Variants in CDH2 observed in about 807,000 individuals in gnomAD.
CDH2 encodes the protein cadherin-2.
A neutral mutation model predicts 92.0 loss-of-function variants in CDH2; 17 were observed. The ratio of observed to expected loss-of-function variants is 0.18; its 90% confidence interval spans 0.13 to 0.28. The LOEUF is 0.28. CDH2 is among the 10% of genes least tolerant of loss of function. The pLI, the probability that CDH2 is intolerant of heterozygous loss-of-function variation, is 1.00. For synonymous variants in CDH2, 419 were observed against 415.9 expected, an observed-to-expected ratio of 1.01 and a Z score of -0.09; for missense variants, 862 against 1,133.1, an observed-to-expected ratio of 0.76 and a Z score of 3.44.
chr18:27,934,226 C>T (rs112454919), intron 6 of CDH2, among the ~76,000 whole-genome samples: 4 of 152,158 alleles, frequency 2.6e-5, no homozygotes, highest in Non-Finnish European at 5.9e-5. Context: ...CTGGTTCTGT[C>T]GGCTTCCATT....
At position 28,049,595 on chromosome 18, in the gene CDH2, C is replaced by T. The variant is rs531343360; in HGVS notation, c.173-35686G>A. ...CTTATATGTATTTGTACATCATGAACGGCATATTGATCATAAGGAAACAAA... is the reference window on the plus strand; with the variant it reads ...CTTATATGTATTTGTACATCATGAATGGCATATTGATCATAAGGAAACAAA... On this transcript the variant is annotated intron_variant, in intron 2 of 15. Coordinates refer to ENST00000269141, the MANE Select transcript of CDH2 (RefSeq NM_001792.5). Among the ~76,000 whole-genome samples the T allele has an allele frequency of 2.6e-5, 4 of 152,254 alleles. No individual in the cohort carries two copies. The East Asian group carries it at 5.8e-4, about 22-fold the overall frequency.
intron 1 of CDH2, among the ~76,000 whole-genome samples, chr18:28,175,316 G>A (rs1361451633): frequency 6.6e-6 from 1 of 152,226 alleles, no homozygotes; most frequent in Admixed American, 6.5e-5. Flanking sequence ...GAGCCGAGTG[G>A]CGGATGGCGA....
intron 15 of CDH2, among the ~76,000 whole-genome samples, chr18:27,955,390 AAGAAAG>A (rs1909661797): frequency 8.4e-5 from 2 of 23,768 alleles, no homozygotes. Flanking sequence ...AAAAAAGAAA[AAGAAAG>A]AAAAAGAGAA....
chr18:27,958,363 G>A (rs979078280), intron 15 of CDH2, among the ~76,000 whole-genome samples: 4 of 151,684 alleles, frequency 2.6e-5, no homozygotes, highest in African/African-American at 9.7e-5. Flanking sequence ...ATGAAAAGGT[G>A]GTCTTTTAAC....
At chr18:28,091,984 C>T (rs2015045701) in intron 2 of CDH2, among the ~76,000 whole-genome samples, 1 of 151,692 alleles carries the variant, frequency 6.6e-6, no homozygotes, top group Non-Finnish European at 1.5e-5. Flanking sequence ...ACAATCTTCT[C>T]CCTGTCTCTT....
rs1460855019 is a variant in CDH2 at position 28,043,481 on chromosome 18, TATATATATATATAA to T, written c.173-29586_173-29573del. Among the ~76,000 whole-genome samples the T allele has an allele frequency of 7.3e-3, 556 of 75,954 alleles. 1 individual carries two copies. Among genetic ancestry groups the T allele is most frequent in the African/African-American group, 0.025 (474 of 18,892 alleles). 49.8% of individuals were successfully genotyped at this position (75,954 alleles called of 152,430 possible). ...AAATAAATATATATATATATATATA[TATATATATATATAA>T]ATATATATATATATATATATAAACA... On this transcript the variant is annotated intron_variant, in intron 2 of 15. Transcript: ENST00000269141.
intron 7 of CDH2, among the ~76,000 whole-genome samples, chr18:27,997,931 C>T (rs529992132): frequency 4.7e-4 from 71 of 152,140 alleles, no homozygotes; most frequent in African/African-American, 1.3e-3. Flanking sequence ...CTCAGCCTCC[C>T]GAGTAGCTGG....
At chr18:27,942,943 A>G (rs565410837) in intron 6 of CDH2, among the ~76,000 whole-genome samples, 1 of 152,254 alleles carries the variant, frequency 6.6e-6, no homozygotes, top group South Asian at 2.1e-4. Flanking sequence ...AGTGAGTATA[A>G]TAAACCATTA....
chr18:27,957,576 G>A (rs2011284390), intron 15 of CDH2, among the ~76,000 whole-genome samples: 1 of 151,908 alleles, frequency 6.6e-6, no homozygotes, highest in African/African-American at 2.4e-5. Context: ...CATCTTGTTT[G>A]GATGACACTA....
At chr18:28,000,356 C>G (rs1217563402) in intron 7 of CDH2, among the ~76,000 whole-genome samples, 1 of 152,172 alleles carries the variant, frequency 6.6e-6, no homozygotes, top group Non-Finnish European at 1.5e-5. Context: ...CCCACCTCAA[C>G]CTCCCAAAAT....
At chr18:28,083,333 CT>C (rs1295983621) in intron 2 of CDH2, among the ~76,000 whole-genome samples, 1 of 152,076 alleles carries the variant, frequency 6.6e-6, no homozygotes, top group Non-Finnish European at 1.5e-5. Context: ...AAATGAAAGG[CT>C]TTGATCCAAT....
At chr18:27,968,421 G>T (rs17493206) in intron 14 of CDH2, among the ~76,000 whole-genome samples, 1 of 151,986 alleles carries the variant, frequency 6.6e-6, no homozygotes, top group Non-Finnish European at 1.5e-5. Context: ...AGTGCTGGAG[G>T]GGGGAGTTTA....
chr18:28,138,769 G>A (rs897522926), intron 2 of CDH2, among the ~76,000 whole-genome samples: 8 of 151,912 alleles, frequency 5.3e-5, no homozygotes, highest in Admixed American at 2.0e-4. Flanking sequence ...AATGCCCTCC[G>A]AGCAAAAAAG....
chr18:28,138,098 A>T (rs1356168469), intron 2 of CDH2, among the ~76,000 whole-genome samples: 2 of 151,942 alleles, frequency 1.3e-5, no homozygotes, highest in Non-Finnish European at 2.9e-5. Flanking sequence ...ATGTCATCTA[A>T]AACTTGTCGA....
chr18:28,135,655 A>C (rs945345978), intron 2 of CDH2, among the ~76,000 whole-genome samples: 1 of 152,250 alleles, frequency 6.6e-6, no homozygotes, highest in Non-Finnish European at 1.5e-5. Context: ...ATAGATGACA[A>C]GTCAACAAAG....
intron 14 of CDH2, among the ~76,000 whole-genome samples, chr18:27,971,619 CCA>C (rs1363088187): frequency 2.6e-5 from 4 of 152,104 alleles, no homozygotes; most frequent in Non-Finnish European, 1.5e-5. Context: ...TGTACCCTGG[CCA>C]CGAGTGTTTT....
chr18:28,071,879 A>G (rs1046322375), intron 2 of CDH2, among the ~76,000 whole-genome samples: 1 of 152,122 alleles, frequency 6.6e-6, no homozygotes, highest in Admixed American at 6.5e-5. Flanking sequence ...GGATAGTTCC[A>G]TCAGAAAAAA....
At chr18:28,156,061 T>G (rs1365774529) in intron 1 of CDH2, among the ~76,000 whole-genome samples, 1 of 152,200 alleles carries the variant, frequency 6.6e-6, no homozygotes, top group Admixed American at 6.5e-5. Flanking sequence ...CTTTCTTGCC[T>G]TCATGATGTG....
rs748536698 is a variant in CDH2, at chr18:28,176,981, C to T, written c.42G>A (p.Leu14=). The change falls in exon 1 of 16, where the codon CTG becomes CTA. Residue 14 remains leucine, a synonymous_variant. Transcript: ENST00000269141. ...CGCGTACCTGAAGCAGGGCCGCCAG[C>T]AGCGGCAGCAGGGTCCGCAGCGCTC... The part of the protein sequence containing the change: ...IAGALRTLLP[L]LAALLQASVE... 3.1e-5 allele frequency: 45 copies of T among 1,437,658 alleles called. No homozygotes were observed. In the South Asian group the frequency reaches 5.2e-4, roughly 17 times the overall value. 89.1% of individuals were successfully genotyped at this position (1,437,658 alleles called of 1,614,324 possible).
Sources: gnomAD v4.1 joint callset for allele counts (sites outside exome capture counted in the v4.1 genomes callset) on GRCh38, gnomAD v4.1.1 for gene constraint, MANE v1.5 for transcripts, NCBI Gene and HGNC (gene_info 2026-07-23, HGNC 2026-07-21) for gene names.